Variants in ZPLD1 observed in about 807,000 individuals in gnomAD.
The protein encoded by ZPLD1 is zona pellucida-like domain-containing protein 1.
In ZPLD1, 34 loss-of-function variants were observed where a neutral mutation model predicts 47.2. The ratio of observed to expected loss-of-function variants is 0.72; its 90% confidence interval spans 0.55 to 0.96. ZPLD1 has a LOEUF of 0.96. ZPLD1 is among the 40% of genes least tolerant of loss of function. The probability of loss-of-function intolerance (pLI) is 0.00; values close to 1 mark genes in which losing one functional copy is unlikely to be tolerated. For synonymous variants in ZPLD1, 176 were observed against 186.2 expected, an observed-to-expected ratio of 0.95 and a Z score of 0.45; for missense variants, 512 against 505.8, an observed-to-expected ratio of 1.01 and a Z score of -0.12.
intron 3 of ZPLD1, among the ~76,000 whole-genome samples, chr3:102,440,516 T>G (rs1258746163): frequency 6.6e-6 from 1 of 152,040 alleles, no homozygotes; most frequent in Non-Finnish European, 1.5e-5. Flanking sequence ...AAGTTCAAGT[T>G]TGGAAATGAT....
Position 102,427,554 on chromosome 3 carries a change from G to A in ZPLD1, c.-9+9347G>A, listed in dbSNP as rs192938366. On this transcript the variant is annotated intron_variant, in intron 8 of 17. Coordinates refer to the ZPLD1 transcript ENST00000491959. ...GTGATATTTGAAGGCAGGTCCCAGG[G>A]AGTGTATTACTATTTTATCCCCCAG... 7.7e-4 allele frequency among the ~76,000 whole-genome samples: 118 copies of A among 152,310 alleles called. 1 individual carries two copies. The highest frequency in any genetic ancestry group is 2.8e-3 in the African/African-American group (115 of 41,576).
chr3:102,446,798 T>A (rs1707262164), intron 3 of ZPLD1, among the ~76,000 whole-genome samples: 1 of 152,204 alleles, frequency 6.6e-6, no homozygotes, highest in African/African-American at 2.4e-5. Context: ...AGTATATCAT[T>A]ATCAGGCTGT....
intron 8 of ZPLD1, among the ~76,000 whole-genome samples, chr3:102,422,688 G>A (rs1482002987): frequency 1.3e-5 from 2 of 152,038 alleles, no homozygotes; most frequent in Non-Finnish European, 2.9e-5. Context: ...TTTATAGCTG[G>A]AAGCAGTGAA....
intron 5 of ZPLD1, 140 bp from the exon 6 acceptor site, chr3:102,457,641 T>G (rs1707439043): frequency 1.5e-6 from 1 of 687,282 alleles, no homozygotes; most frequent in East Asian, 2.7e-5. Flanking sequence ...GTTCAGAGAT[T>G]TAAACAGTAT....
chr3:102,424,026 G>T (rs912687888), intron 8 of ZPLD1, among the ~76,000 whole-genome samples: 1 of 152,076 alleles, frequency 6.6e-6, no homozygotes, highest in African/African-American at 2.4e-5. Flanking sequence ...TTGTAAAAAG[G>T]AACCAAAGAT....
chr3:102,402,123 T>A (rs942826887), intron 7 of ZPLD1, among the ~76,000 whole-genome samples: 1 of 152,094 alleles, frequency 6.6e-6, no homozygotes. Context: ...AATGAGGCAT[T>A]TCTTAGCCCA....
At chr3:102,472,717 G>A (rs1320875502) in intron 10 of ZPLD1, among the ~76,000 whole-genome samples, 4 of 152,190 alleles carry the variant, frequency 2.6e-5, no homozygotes, top group African/African-American at 9.7e-5. Context: ...CATATCTAGA[G>A]TCAGTTTGCT....
chr3:102,396,699 A>G (rs1706561554), intron 7 of ZPLD1, among the ~76,000 whole-genome samples: 2 of 152,098 alleles, frequency 1.3e-5, no homozygotes, highest in Non-Finnish European at 2.9e-5. Context: ...CAGCATTCAG[A>G]TGGAGTGGTG....
chr3:102,459,750 T>C (rs1707477351), intron 6 of ZPLD1, among the ~76,000 whole-genome samples: 1 of 152,258 alleles, frequency 6.6e-6, no homozygotes, highest in South Asian at 2.1e-4. Context: ...AGTTCCCACA[T>C]ATACCCCCTC....
chr3:102,470,725 T>TACACAC (rs149917091), intron 10 of ZPLD1, among the ~76,000 whole-genome samples: 16 of 148,874 alleles, frequency 1.1e-4, no homozygotes, highest in South Asian at 2.1e-4. Flanking sequence ...CACACACACA[T>TACACAC]ACACACACAC....
At chr3:102,463,588 C>G (rs1315065073) in intron 7 of ZPLD1, among the ~76,000 whole-genome samples, 1 of 151,972 alleles carries the variant, frequency 6.6e-6, no homozygotes, top group Non-Finnish European at 1.5e-5. Context: ...TTTTTAAAAA[C>G]TTGTATGGGT....
intron 7 of ZPLD1, among the ~76,000 whole-genome samples, chr3:102,405,094 A>C (rs1301062709): frequency 6.6e-6 from 1 of 152,012 alleles, no homozygotes; most frequent in Non-Finnish European, 1.5e-5. Context: ...GCTATATTAC[A>C]AGTATTGTAA....
intron 7 of ZPLD1, among the ~76,000 whole-genome samples, chr3:102,403,083 G>A (rs1463857951): frequency 6.6e-6 from 1 of 151,768 alleles, no homozygotes; most frequent in African/African-American, 2.4e-5. Flanking sequence ...TCTATTTTGT[G>A]AGATATAATT....
intron 6 of ZPLD1, among the ~76,000 whole-genome samples, chr3:102,460,985 A>C (rs1707497608): frequency 6.6e-6 from 1 of 151,994 alleles, no homozygotes; most frequent in Non-Finnish European, 1.5e-5. Flanking sequence ...TATCACCAAA[A>C]TATAGAAAAC....
chr3:102,470,250 C>T (rs1463598210), intron 9 of ZPLD1, 144 bp from the exon 10 acceptor site: 1 of 652,730 alleles, frequency 1.5e-6, no homozygotes, highest in Non-Finnish European at 2.7e-6. Context: ...CAGTTACATG[C>T]AAAGTAATTA....
chr3:102,452,523 T>C lies in ZPLD1; in HGVS notation c.107-396T>C, dbSNP rs114956083. Among the ~76,000 whole-genome samples the C allele has an allele frequency of 2.4e-3, 364 of 152,264 alleles. 2 individuals carry two copies. The highest frequency in any genetic ancestry group is 8.5e-3 in the African/African-American group (352 of 41,552). On this transcript the variant is annotated intron_variant, in intron 3 of 11. Coordinates refer to ENST00000466937, the MANE Select transcript of ZPLD1 (RefSeq NM_001329788.2). Reference sequence around the variant, plus strand: ...TCCTTATACTTGGGAAAATGCATCATTTGTAGTGATTTTCACTACTCTTGA... The same window carrying C: ...TCCTTATACTTGGGAAAATGCATCACTTGTAGTGATTTTCACTACTCTTGA...
At chr3:102,476,696 A>G (rs1707762694) in intron 10 of ZPLD1, among the ~76,000 whole-genome samples, 1 of 152,134 alleles carries the variant, frequency 6.6e-6, no homozygotes, top group Non-Finnish European at 1.5e-5. Flanking sequence ...AGAGCTAATG[A>G]TGAAACAAAG....
intron 7 of ZPLD1, among the ~76,000 whole-genome samples, chr3:102,393,915 T>C (rs1011253858): frequency 4.6e-5 from 7 of 152,168 alleles, no homozygotes; most frequent in Admixed American, 1.3e-4. Flanking sequence ...TAAAGCTACA[T>C]TAAATCTTTG....
intron 7 of ZPLD1, among the ~76,000 whole-genome samples, chr3:102,404,511 G>A (rs866416943): frequency 5.3e-5 from 8 of 151,932 alleles, no homozygotes; most frequent in Admixed American, 2.6e-4. Flanking sequence ...ACCTAAGTTC[G>A]AATTGAGATG....
Sources: gnomAD v4.1 joint callset for allele counts (sites outside exome capture counted in the v4.1 genomes callset) on GRCh38, gnomAD v4.1.1 for gene constraint, MANE v1.5 for transcripts, NCBI Gene and HGNC (gene_info 2026-07-23, HGNC 2026-07-21) for gene names.